The following NPNT variants were observed in gnomAD, a reference collection of about 807,000 sequenced individuals.
NPNT encodes the protein nephronectin.
In NPNT, 45 loss-of-function variants were observed where a neutral mutation model predicts 68.6. The observed-to-expected ratio is 0.66, with a 90% CI of 0.52 to 0.84. The LOEUF (loss-of-function observed/expected upper bound fraction) is 0.84, where lower values mean the gene tolerates loss of function less well. Among genes scored for constraint, NPNT ranks in the 40% least tolerant of loss-of-function variants. The pLI is 0.00. For missense variants in NPNT, 672 were observed against 714.8 expected, an observed-to-expected ratio of 0.94 and a Z score of 0.68; for synonymous variants, 233 against 253.3, an observed-to-expected ratio of 0.92 and a Z score of 0.76.
intron 2 of NPNT, among the ~76,000 whole-genome samples, chr4:105,921,706 G>A (rs948767815): frequency 6.6e-6 from 1 of 152,082 alleles, no homozygotes; most frequent in Non-Finnish European, 1.5e-5. Context: ...CTTTTCAGAG[G>A]ACCACTGTAC....
chr4:105,940,644 G>T lies in NPNT; in HGVS notation c.763+8G>T. On this transcript the variant is annotated splice_region_variant and intron_variant, in intron 7 of 11. Transcript: ENST00000379987. ...ATGGACTGACTTGTGTGTGTGAGTA[G>T]CACTTGTCTCTCAGCTTTAAATTCT... 1 of 1,611,486 alleles carries T rather than the reference G, an allele frequency of 6.2e-7. No individual in the cohort carries two copies.
In NPNT at chr4:105,912,651, G is replaced by A. The variant is rs1178551545; in HGVS notation, c.172+14650G>A. The A allele has an allele frequency of 8.7e-6, 6 of 685,832 alleles. No homozygotes were observed. The South Asian group carries it at 3.1e-4, about 36-fold the overall frequency. The allele number at this position is 685,832 out of a possible 1,614,324, so 42.5% of individuals were successfully genotyped here. ...CATTAATTCTCCATGGAACAATTCA[G>A]GTAAGAAATATTTTTATTGTATGAA... On this transcript the variant is annotated intron_variant, in intron 2 of 11. Coordinates refer to ENST00000379987, the MANE Select transcript of NPNT (RefSeq NM_001033047.3).
intron 2 of NPNT, among the ~76,000 whole-genome samples, chr4:105,916,083 G>GA (rs1478248728): frequency 6.6e-6 from 1 of 152,116 alleles, no homozygotes; most frequent in Non-Finnish European, 1.5e-5. Flanking sequence ...ATCAAGGGCT[G>GA]AAAAAAAGTC....
Position 105,895,493 on chromosome 4 carries a change from G to C in NPNT, c.-160G>C. Reference sequence around the variant, plus strand: ...GCCGCGCAGCAGACCTGCTCCGGCCGCGCGCCTCGCCGCTGTCCTCCGGGA... The same window carrying C: ...GCCGCGCAGCAGACCTGCTCCGGCCCCGCGCCTCGCCGCTGTCCTCCGGGA... On this transcript the variant is annotated 5_prime_UTR_variant, in exon 1 of 12. Transcript: ENST00000379987. 1 of 605,562 alleles carries C rather than the reference G, an allele frequency of 1.7e-6. No individual in the cohort carries two copies. The highest frequency in any genetic ancestry group is 2.1e-5 in the South Asian group (1 of 47,628). 37.5% of individuals were successfully genotyped at this position (605,562 alleles called of 1,614,324 possible).
chr4:105,960,956 A>T (rs1191416261), intron 10 of NPNT, among the ~76,000 whole-genome samples: 1 of 152,214 alleles, frequency 6.6e-6, no homozygotes, highest in East Asian at 1.9e-4. Flanking sequence ...GTATTTTTTT[A>T]AATCTCTACC....
intron 8 of NPNT, among the ~76,000 whole-genome samples, chr4:105,953,146 A>G (rs1362166853): frequency 1.3e-5 from 2 of 152,204 alleles, no homozygotes; most frequent in Non-Finnish European, 2.9e-5. Context: ...AGCCTGGGTG[A>G]CACAGCAAGA....
intron 2 of NPNT, among the ~76,000 whole-genome samples, chr4:105,899,889 G>A (rs1446101105): frequency 1.3e-5 from 2 of 152,212 alleles, no homozygotes; most frequent in African/African-American, 4.8e-5. Flanking sequence ...AGCAGGTAGA[G>A]GAATGTGGGG....
chr4:105,936,923 T>G (rs1009818621), intron 3 of NPNT, 86 bp from the exon 4 acceptor site: 2 of 1,366,270 alleles, frequency 1.5e-6, no homozygotes, highest in Non-Finnish European at 2.0e-6. Flanking sequence ...TTCTCTTTCA[T>G]TTTTTAATAT....
At chr4:105,929,055 A>C (rs6826402) in intron 3 of NPNT, among the ~76,000 whole-genome samples, 137,021 of 152,088 alleles carry the variant, frequency 0.9, 62,000 homozygotes, top group East Asian at 1. Flanking sequence ...CACCTATCAA[A>C]CCATCATCTA....
rs66945682 is a variant in NPNT, at chr4:105,898,328, G to GTCTCTCTCTCTCTCTCTCTCTCTCTC, written c.172+354_172+379dup. ...TCTCTCTCTGTCTCTCTCTCTCTCT[G>GTCTCTCTCTCTCTCTCTCTCTCTCTC]TCTCTCTCTCTCTCTCTCTCTCTCT... On this transcript the variant is annotated intron_variant, in intron 2 of 11. Transcript: ENST00000379987. 1.2e-3 allele frequency among the ~76,000 whole-genome samples: 63 copies of GTCTCTCTCTCTCTCTCTCTCTCTCTC among 53,960 alleles called. 7 individuals are homozygous for GTCTCTCTCTCTCTCTCTCTCTCTCTC. The highest frequency in any genetic ancestry group is 1.4e-3 in the Non-Finnish European group (41 of 28,302). The allele number at this position is 53,960 out of a possible 152,430, so 35.4% of individuals were successfully genotyped here.
chr4:105,940,075 A>T lies in NPNT; in HGVS notation c.506A>T (p.Asp169Val). 9.3e-6 allele frequency: 15 copies of T among 1,613,048 alleles called. No individual in the cohort carries two copies. The highest frequency in any genetic ancestry group is 1.3e-5 in the Non-Finnish European group (15 of 1,179,276). The change falls in exon 6 of 12, where the codon GAT (aspartate) becomes GTT (valine). Residue 169 changes from aspartate (D) to valine (V), a missense_variant and splice_region_variant. Physicochemically the swap from Asp to Val is radical, Grantham distance 152. Coordinates refer to ENST00000379987, the MANE Select transcript of NPNT (RefSeq NM_001033047.3). ...QLAPDGRTCV[D>V]VDECATGRAS... Reference sequence around the variant, plus strand: ...AAATGCTATTGACTTATGTTTCTAGATGTTGATGAATGTGCTACAGGAAGA... The same window carrying T: ...AAATGCTATTGACTTATGTTTCTAGTTGTTGATGAATGTGCTACAGGAAGA...
chr4:105,938,498 GA>G lies in NPNT; in HGVS notation c.505+86del, dbSNP rs371069590. On this transcript the variant is annotated intron_variant, in intron 5 of 11. Coordinates refer to ENST00000379987, the MANE Select transcript of NPNT (RefSeq NM_001033047.3). Reference sequence around the variant, plus strand: ...GAAAGTGAAAGGTGATGGGAATAAGGAAAAAAAAGGCAATTACTTACATCAG... The same window carrying G: ...GAAAGTGAAAGGTGATGGGAATAAGGAAAAAAAGGCAATTACTTACATCAG... 3.4e-4 allele frequency: 481 copies of G among 1,428,156 alleles called. 1 individual carries two copies. The African/African-American group carries it at 5.8e-3, about 17-fold the overall frequency. 88.5% of individuals were successfully genotyped at this position (1,428,156 alleles called of 1,614,324 possible).
intron 3 of NPNT, among the ~76,000 whole-genome samples, chr4:105,933,220 A>T (rs1729254540): frequency 6.6e-6 from 1 of 152,206 alleles, no homozygotes; most frequent in Non-Finnish European, 1.5e-5. Flanking sequence ...TAAGCAAGTC[A>T]TTAACCAATC....
intron 8 of NPNT, among the ~76,000 whole-genome samples, 188 bp downstream of exon 8, chr4:105,942,890 G>A (rs112172130): frequency 9.8e-5 from 15 of 152,350 alleles, no homozygotes; most frequent in African/African-American, 3.1e-4. Flanking sequence ...AAGAAAGAAT[G>A]TATGTAGCAA....
intron 8 of NPNT, among the ~76,000 whole-genome samples, chr4:105,945,218 A>C (rs895879756): frequency 6.6e-6 from 1 of 152,226 alleles, no homozygotes; most frequent in African/African-American, 2.4e-5. Context: ...TTTTAATGGA[A>C]GAGGTTGTGA....
At chr4:105,900,455 A>G (rs779272893) in intron 2 of NPNT, among the ~76,000 whole-genome samples, 1 of 152,158 alleles carries the variant, frequency 6.6e-6, no homozygotes, top group Non-Finnish European at 1.5e-5. Context: ...GTTTGACTTA[A>G]TATTCATGTG....
intron 2 of NPNT, among the ~76,000 whole-genome samples, chr4:105,924,850 TGAGA>T: frequency 6.6e-6 from 1 of 152,310 alleles, no homozygotes; most frequent in East Asian, 1.9e-4. Context: ...TTTCATGCTT[TGAGA>T]GAGTTTTCCA....
At chr4:105,934,677 TA>T (rs1408906632) in intron 3 of NPNT, among the ~76,000 whole-genome samples, 1 of 152,224 alleles carries the variant, frequency 6.6e-6, no homozygotes, top group African/African-American at 2.4e-5. Flanking sequence ...TGCCCGTTAA[TA>T]ACAGGTAAAA....
At chr4:105,904,230 G>A (rs28583617) in intron 2 of NPNT, among the ~76,000 whole-genome samples, 3,060 of 152,262 alleles carry the variant, frequency 0.02, 102 homozygotes, top group African/African-American at 0.068. Flanking sequence ...ATATGTTAAA[G>A]ATGTTGTTTT....
Sources: allele counts gnomAD v4.1 joint callset (sites outside exome capture counted in the v4.1 genomes callset), GRCh38; gene constraint gnomAD v4.1.1; transcripts MANE v1.5; gene names NCBI Gene and HGNC (gene_info 2026-07-23, HGNC 2026-07-21).